The following DNAJC15 variants were observed in gnomAD, a reference collection of about 807,000 sequenced individuals.
DNAJC15 encodes the protein DnaJ heat shock protein family (Hsp40) member C15.
DNAJC15 carries 27 observed loss-of-function variants against 22.4 expected under a neutral mutation model. The ratio of observed to expected loss-of-function variants is 1.20; its 90% CI spans 0.89 to 1.66. The LOEUF (loss-of-function observed/expected upper bound fraction) is 1.66, where lower values mean the gene tolerates loss of function less well. DNAJC15 is among the 40% of genes most tolerant of loss of function. DNAJC15 has a pLI of 0.00. For missense variants in DNAJC15, 208 were observed against 187.1 expected (o/e 1.11, Z -0.65); for synonymous variants, 79 against 63.2 (o/e 1.25, Z -1.19).
chr13:43,078,927 G>A (rs2040648767), intron 4 of DNAJC15: 1 of 285,756 alleles, frequency 3.5e-6, no homozygotes, highest in Non-Finnish European at 6.6e-6. Context: ...TCTTTAACAA[G>A]GATCTATAAT....
In DNAJC15 at chr13:43,040,585, G is replaced by A. The variant is rs146367021; in HGVS notation, c.108+16851G>A. Among the ~76,000 whole-genome samples the A allele has an allele frequency of 8.5e-3, 1,290 of 152,204 alleles. 9 individuals are homozygous for A. Among genetic ancestry groups the A allele is most frequent in the Middle Eastern group, 0.027 (8 of 294 alleles). ...CCCTCCACACCTGTGGGCGTTTCTCGTTAGGTGGAACAAGAGACTTGGAAA... is the reference window on the plus strand; with the variant it reads ...CCCTCCACACCTGTGGGCGTTTCTCATTAGGTGGAACAAGAGACTTGGAAA... On this transcript the variant is annotated intron_variant, in intron 1 of 5. Transcript: ENST00000379221.
In DNAJC15 at chr13:43,059,730, G is replaced by T. The variant is rs1462072898; in HGVS notation, c.109-5956G>T. On this transcript the variant is annotated intron_variant, in intron 1 of 5. Coordinates refer to ENST00000379221, the MANE Select transcript of DNAJC15 (RefSeq NM_013238.3). The stretch of plus-strand genomic sequence containing the variant: ...CAGGCTTTGTGTGAGCAACATGGCT[G>T]TTTATTTCACCTGGGTGCAGGCGGG... Among the ~76,000 whole-genome samples the T allele has an allele frequency of 2.6e-5, 4 of 152,242 alleles. No homozygotes were observed. The South Asian group carries it at 8.3e-4, about 32-fold the overall frequency.
chr13:43,110,837 C>G lies in DNAJC15; in HGVS notation c.*3589C>G, dbSNP rs2040821341. On this transcript the variant is annotated 3_prime_UTR_variant, in exon 6 of 6. Transcript: ENST00000379221. Reference sequence around the variant, plus strand: ...GCTTATAAAACTGAATTTTCACCAGCCACACCCTCCCCCCAACTCCTTATC... The same window carrying G: ...GCTTATAAAACTGAATTTTCACCAGGCACACCCTCCCCCCAACTCCTTATC... 2 of 152,180 alleles carry G rather than the reference C, an allele frequency of 1.3e-5. No homozygotes were observed. Among genetic ancestry groups the G allele is most frequent in the Non-Finnish European group, 2.9e-5 (2 of 68,034 alleles). The allele number at this position is 152,180 out of a possible 1,614,324, so 9.4% of individuals were successfully genotyped here.
rs1307282059 is a variant in DNAJC15, at chr13:43,065,695, T to C, written c.118T>C (p.Leu40=). Residue 40 remains leucine (L), a synonymous_variant, in exon 2 of 6, where the codon TTG becomes CTG. Transcript: ENST00000379221. Reference sequence around the variant, plus strand: ...ATTTTTTCTTCCATAGGTAAGAAGTTTGATAGCTGTAGGACTGGGTGTTGC... The same window carrying C: ...ATTTTTTCTTCCATAGGTAAGAAGTCTGATAGCTGTAGGACTGGGTGTTGC... The part of the protein sequence containing the change: ...DVDQQRLVRS[L]IAVGLGVAAL... 1 of 1,613,104 alleles carries C rather than the reference T, an allele frequency of 6.2e-7. No homozygotes were observed. The highest frequency in any genetic ancestry group is 1.7e-5 in the Admixed American group (1 of 60,008).
intron 5 of DNAJC15, among the ~76,000 whole-genome samples, chr13:43,098,295 GTAGAAC>G (rs1593331642): frequency 6.6e-6 from 1 of 152,192 alleles, no homozygotes; most frequent in East Asian, 1.9e-4. Context: ...CTGGAAGTTG[GTAGAAC>G]AGGGTACTTT....
intron 4 of DNAJC15, among the ~76,000 whole-genome samples, chr13:43,079,200 T>TTA (rs540364956): frequency 1.0e-3 from 154 of 152,258 alleles, no homozygotes; most frequent in African/African-American, 3.5e-3. Context: ...ACATTTAATG[T>TTA]TAAGAATATT....
At chr13:43,074,086 A>G (rs1593322719) in intron 3 of DNAJC15, among the ~76,000 whole-genome samples, 3 of 152,246 alleles carry the variant, frequency 2.0e-5, no homozygotes. Flanking sequence ...TACTAATTAA[A>G]TCATCCTTTG....
chr13:43,095,372 G>A (rs186739466), intron 5 of DNAJC15, among the ~76,000 whole-genome samples: 96 of 152,262 alleles, frequency 6.3e-4, no homozygotes, highest in African/African-American at 2.2e-3. Context: ...ATCTAGAGTG[G>A]ACAGGTGATT....
chr13:43,070,908 C>T (rs957197855), intron 3 of DNAJC15, among the ~76,000 whole-genome samples: 1 of 152,028 alleles, frequency 6.6e-6, no homozygotes. Context: ...AACCAGTAAG[C>T]GGGTATTGAG....
intron 2 of DNAJC15, among the ~76,000 whole-genome samples, chr13:43,066,919 C>A (rs2040587096): frequency 6.6e-6 from 1 of 152,198 alleles, no homozygotes; most frequent in African/African-American, 2.4e-5. Context: ...GTGCCCGGCC[C>A]ATTCGAAAGA....
At chr13:43,043,989 A>G (rs2040465216) in intron 1 of DNAJC15, among the ~76,000 whole-genome samples, 1 of 152,106 alleles carries the variant, frequency 6.6e-6, no homozygotes, top group South Asian at 2.1e-4. Context: ...AATTTTATAA[A>G]TTCTCGTTAT....
At chr13:43,081,428 A>G (rs2040660760) in intron 4 of DNAJC15, among the ~76,000 whole-genome samples, 1 of 150,896 alleles carries the variant, frequency 6.6e-6, no homozygotes, top group African/African-American at 2.4e-5. Context: ...TATTATATGA[A>G]ATGATGCACA....
At chr13:43,036,246 C>T (rs531905751) in intron 1 of DNAJC15, among the ~76,000 whole-genome samples, 1 of 149,808 alleles carries the variant, frequency 6.7e-6, no homozygotes, top group East Asian at 2.0e-4. Context: ...GCTCACTGCA[C>T]CTTCCACCTT....
At chr13:43,105,538 T>C (rs1163243686) in intron 5 of DNAJC15, among the ~76,000 whole-genome samples, 1 of 152,192 alleles carries the variant, frequency 6.6e-6, no homozygotes, top group Non-Finnish European at 1.5e-5. Flanking sequence ...TCAACGTTAT[T>C]CTGAATAAAT....
chr13:43,103,972 A>G (rs1033757832), intron 5 of DNAJC15, among the ~76,000 whole-genome samples: 1 of 152,148 alleles, frequency 6.6e-6, no homozygotes, highest in African/African-American at 2.4e-5. Flanking sequence ...TTGATAGTGT[A>G]TATTTTTTTC....
intron 1 of DNAJC15, among the ~76,000 whole-genome samples, chr13:43,032,257 C>T (rs1203747385): frequency 6.6e-6 from 1 of 152,210 alleles, no homozygotes; most frequent in Non-Finnish European, 1.5e-5. Context: ...TAGGACTTAG[C>T]TCTTCTAACA....
At chr13:43,100,803 C>T (rs939230772) in intron 5 of DNAJC15, among the ~76,000 whole-genome samples, 1 of 152,138 alleles carries the variant, frequency 6.6e-6, no homozygotes, top group African/African-American at 2.4e-5. Context: ...ATTAAGTCTT[C>T]TGTTTCCTTG....
chr13:43,034,239 C>T (rs943255119), intron 1 of DNAJC15, among the ~76,000 whole-genome samples: 5 of 142,126 alleles, frequency 3.5e-5, no homozygotes, highest in African/African-American at 1.2e-4. Context: ...GAGTTATGCT[C>T]TCCACTCCTT....
At chr13:43,034,305 C>CTT (rs753362468) in intron 1 of DNAJC15, among the ~76,000 whole-genome samples, 6,537 of 60,572 alleles carry the variant, frequency 0.11, 2,012 homozygotes, top group South Asian at 0.12. Flanking sequence ...GAGATTTGTC[C>CTT]TTTTTTTTTT....
Sources: gnomAD v4.1 joint callset for allele counts (sites outside exome capture counted in the v4.1 genomes callset) on GRCh38, gnomAD v4.1.1 for gene constraint, MANE v1.5 for transcripts, NCBI Gene and HGNC (gene_info 2026-07-23, HGNC 2026-07-21) for gene names.